SLC24A4: variants seen among roughly 807,000 people sequenced by gnomAD.
SLC24A4 encodes sodium/potassium/calcium exchanger 4.
A neutral mutation model predicts 79.0 loss-of-function variants in SLC24A4; 53 were observed. The observed-to-expected ratio is 0.67, with a 90% confidence interval of 0.54 to 0.84. The LOEUF is 0.84. Ranked by LOEUF, SLC24A4 falls within the 40% of genes least tolerant of loss-of-function variation. The pLI is 0.00. For synonymous variants in SLC24A4, 323 were observed against 323.8 expected (o/e 1.00, Z 0.03); for missense variants, 731 against 822.0 (o/e 0.89, Z 1.35).
chr14:92,477,617 G>C (rs1389378628), intron 12 of SLC24A4, among the ~76,000 whole-genome samples: 1 of 151,854 alleles, frequency 6.6e-6, no homozygotes, highest in African/African-American at 2.4e-5. Context: ...ACCATGCCCA[G>C]CTAGTTTTTG....
At chr14:92,381,994 TTAAAA>T (rs1379018980) in intron 2 of SLC24A4, among the ~76,000 whole-genome samples, 1 of 152,236 alleles carries the variant, frequency 6.6e-6, no homozygotes, top group Non-Finnish European at 1.5e-5. Context: ...ATGTAAGTTC[TTAAAA>T]TAAATTTTGT....
chr14:92,356,707 C>T (rs1887201789), intron 2 of SLC24A4, among the ~76,000 whole-genome samples: 1 of 152,212 alleles, frequency 6.6e-6, no homozygotes, highest in South Asian at 2.1e-4. Flanking sequence ...CCTTGTCTTT[C>T]TCCTGGACAA....
chr14:92,468,150 AACAT>A (rs1050535021), intron 12 of SLC24A4, among the ~76,000 whole-genome samples: 4 of 152,232 alleles, frequency 2.6e-5, no homozygotes, highest in Non-Finnish European at 5.9e-5. Context: ...AATGATATTA[AACAT>A]TCCCATTTAC....
intron 2 of SLC24A4, among the ~76,000 whole-genome samples, chr14:92,369,543 ATG>A (rs1462772770): frequency 6.6e-6 from 1 of 152,240 alleles, no homozygotes; most frequent in African/African-American, 2.4e-5. Context: ...GGAAAAAATA[ATG>A]TGTTTGTAAA....
chr14:92,385,411 C>T (rs1476433390), intron 2 of SLC24A4, among the ~76,000 whole-genome samples: 1 of 151,530 alleles, frequency 6.6e-6, no homozygotes, highest in Non-Finnish European at 1.5e-5. Context: ...GCAGGAGAAT[C>T]GCTTGAACCA....
intron 2 of SLC24A4, among the ~76,000 whole-genome samples, chr14:92,428,048 T>G (rs1891664169): frequency 6.6e-6 from 1 of 152,198 alleles, no homozygotes; most frequent in Non-Finnish European, 1.5e-5. Flanking sequence ...CCTCCAGAAC[T>G]GTGAGAAATA....
At chr14:92,444,001 A>G (rs957384699) in intron 7 of SLC24A4, among the ~76,000 whole-genome samples, 3 of 151,692 alleles carry the variant, frequency 2.0e-5, no homozygotes, top group African/African-American at 7.3e-5. Flanking sequence ...TGGGAGTGAT[A>G]CCTGCCGTGT....
At chr14:92,371,783 G>C (rs895363936) in intron 2 of SLC24A4, among the ~76,000 whole-genome samples, 6 of 152,240 alleles carry the variant, frequency 3.9e-5, no homozygotes, top group African/African-American at 1.2e-4. Context: ...ACTTCAGTAT[G>C]ATGGCAGAAT....
intron 2 of SLC24A4, among the ~76,000 whole-genome samples, chr14:92,401,030 AG>A (rs1890087478): frequency 6.6e-6 from 1 of 152,212 alleles, no homozygotes; most frequent in East Asian, 1.9e-4. Context: ...TTTCATGGAG[AG>A]GGGGGAATAC....
intron 2 of SLC24A4, among the ~76,000 whole-genome samples, chr14:92,403,785 C>T (rs115440444): frequency 0.022 from 3,348 of 151,960 alleles, 121 homozygotes; most frequent in African/African-American, 0.076. Flanking sequence ...CTTTCTAATG[C>T]GCTTCCCTAC....
chr14:92,427,020 T>C (rs1165822573), intron 2 of SLC24A4, among the ~76,000 whole-genome samples: 2 of 152,192 alleles, frequency 1.3e-5, no homozygotes, highest in African/African-American at 4.8e-5. Flanking sequence ...AATTCACAGT[T>C]TACATTCCCC....
At chr14:92,357,113 G>C (rs1887224358) in intron 2 of SLC24A4, among the ~76,000 whole-genome samples, 1 of 152,244 alleles carries the variant, frequency 6.6e-6, no homozygotes, top group East Asian at 1.9e-4. Context: ...CCCGTTTCTT[G>C]AGACTTACTC....
intron 10 of SLC24A4, chr14:92,451,482 C>A (rs1893134671): frequency 6.6e-6 from 1 of 152,238 alleles, no homozygotes; most frequent in East Asian, 1.9e-4. Flanking sequence ...GGGTTTCTTT[C>A]CCTGTGCCCA....
Position 92,353,774 on chromosome 14 carries a change from C to T in SLC24A4, c.241+27796C>T, listed in dbSNP as rs778146909. Among the ~76,000 whole-genome samples the T allele has an allele frequency of 1.4e-4, 21 of 152,298 alleles. 1 individual carries two copies. The South Asian group carries it at 1.9e-3, about 14-fold the overall frequency. On this transcript the variant is annotated intron_variant, in intron 2 of 16. Transcript: ENST00000532405. This position sits in a 1 kb window ranked among gnomAD's most constrained non-coding sequence, Gnocchi z 4.1. ...AAGGGATTGTCGTGGTCAGGTTCCC[C>T]AGAGATAAATCTAGCATGGCCAGGG...
At chr14:92,394,277 T>G (rs1265209589) in intron 2 of SLC24A4, among the ~76,000 whole-genome samples, 2 of 152,160 alleles carry the variant, frequency 1.3e-5, no homozygotes, top group Non-Finnish European at 2.9e-5. Flanking sequence ...GGAAATCACA[T>G]TCATTTGTAA....
In SLC24A4 at chr14:92,396,159, C is replaced by T. The variant is rs1490602356; in HGVS notation, c.242-37753C>T. 2.6e-5 allele frequency among the ~76,000 whole-genome samples: 4 copies of T among 152,326 alleles called. No individual in the cohort carries two copies. In the East Asian group the frequency reaches 5.8e-4, roughly 22 times the overall value. On this transcript the variant is annotated intron_variant, in intron 2 of 16. Coordinates refer to ENST00000532405, the MANE Select transcript of SLC24A4 (RefSeq NM_153646.4). ...TTTAATTGCTGCTCTTCTTGCCTTT[C>T]ACTTATAAGCAAATCACGAATAGTT...
intron 2 of SLC24A4, among the ~76,000 whole-genome samples, chr14:92,328,558 C>T (rs1885284342): frequency 6.6e-6 from 1 of 152,254 alleles, no homozygotes; most frequent in Non-Finnish European, 1.5e-5. Flanking sequence ...GGCTCAGTAA[C>T]TGGCAGTGTG....
rs777876289 is a variant in SLC24A4, at chr14:92,442,725, C to A, written c.491C>A (p.Thr164Asn). 15 of 1,613,632 alleles carry A rather than the reference C, an allele frequency of 9.3e-6. No homozygotes were observed. The East Asian group carries it at 3.3e-4, about 36-fold the overall frequency. The change falls in exon 6 of 17, where the codon ACC becomes AAC. Residue 164 changes from threonine to asparagine, a missense_variant. Physicochemically the swap from Thr to Asn is moderately conservative, Grantham distance 65. Coordinates refer to ENST00000532405, the MANE Select transcript of SLC24A4 (RefSeq NM_153646.4). ...GTTTCCTTTCCAGGGGTGTTCATCA[C>A]CCATGGGGACGTCGGGGTGGGCACC... Reference protein sequence around the residue: ...LFASVIGVFITHGDVGVGTIV... With the variant: ...LFASVIGVFINHGDVGVGTIV...
chr14:92,392,024 C>G (rs1181666193), intron 2 of SLC24A4, among the ~76,000 whole-genome samples: 1 of 152,110 alleles, frequency 6.6e-6, no homozygotes, highest in Non-Finnish European at 1.5e-5. Context: ...AGCCACCAGC[C>G]CAGGCAGCAA....
Sources: gnomAD v4.1 joint callset for allele counts (sites outside exome capture counted in the v4.1 genomes callset) on GRCh38, gnomAD v4.1.1 for gene constraint, Gnocchi (gnomAD v3.1) non-coding constraint, MANE v1.5 for transcripts, NCBI Gene and HGNC (gene_info 2026-07-23, HGNC 2026-07-21) for gene names.